Variants in PRKAG2 observed in about 807,000 individuals in gnomAD.
The protein encoded by PRKAG2 is protein kinase AMP-activated non-catalytic subunit gamma 2, also known as 5'-AMP-activated protein kinase subunit gamma-2.
Under a neutral mutation model 69.6 loss-of-function variants are expected in PRKAG2, and 26 were observed. That is an observed-to-expected ratio of 0.37 (90% confidence interval 0.27 to 0.52). The LOEUF is 0.52. Among genes scored for constraint, PRKAG2 ranks in the 20% least tolerant of loss-of-function variants. The probability of loss-of-function intolerance (pLI) is 0.90; values close to 1 mark genes in which losing one functional copy is unlikely to be tolerated. For missense variants in PRKAG2, 557 were observed against 740.0 expected (o/e 0.75, Z 2.87); for synonymous variants, 293 against 285.0 (o/e 1.03, Z -0.28).
At chr7:151,613,989 G>T (rs1454958611) in intron 5 of PRKAG2, among the ~76,000 whole-genome samples, 1 of 152,036 alleles carries the variant, frequency 6.6e-6, no homozygotes, top group Non-Finnish European at 1.5e-5. Context: ...TTTTGGTAGA[G>T]ACAGGCTTTC....
intron 14 of PRKAG2, among the ~76,000 whole-genome samples, chr7:151,563,791 A>G (rs1443597793): frequency 6.6e-6 from 1 of 152,236 alleles, no homozygotes; most frequent in Non-Finnish European, 1.5e-5. Flanking sequence ...TATGTCGTCC[A>G]CACTGTCAAA....
chr7:151,750,595 T>C (rs1210841117), intron 3 of PRKAG2, among the ~76,000 whole-genome samples: 1 of 152,032 alleles, frequency 6.6e-6, no homozygotes, highest in East Asian at 1.9e-4. Context: ...CTAAGAGCTG[T>C]GGGAAGGGGT....
intron 1 of PRKAG2, among the ~76,000 whole-genome samples, chr7:151,873,201 G>A (rs2080261185): frequency 6.6e-6 from 1 of 152,156 alleles, no homozygotes; most frequent in South Asian, 2.1e-4. Context: ...TCTTCACCTG[G>A]AAGCAGCCAT....
At chr7:151,774,293 G>A (rs1412096239) in intron 3 of PRKAG2, among the ~76,000 whole-genome samples, 1 of 152,070 alleles carries the variant, frequency 6.6e-6, no homozygotes, top group Non-Finnish European at 1.5e-5. Context: ...GAAAGGTCTG[G>A]TTCTCTTCCC....
intron 3 of PRKAG2, among the ~76,000 whole-genome samples, chr7:151,703,845 A>AAC (rs535818189): frequency 0.066 from 5,807 of 88,310 alleles, 237 homozygotes; most frequent in Non-Finnish European, 0.074. Context: ...TTTACTGGAA[A>AAC]ACACACACAC....
In PRKAG2 at chr7:151,744,415, G is replaced by C. The variant is rs191378365; in HGVS notation, c.466+36737C>G. ...CATGGTTGGTGCCTAGCCTCCACTTGTCCCCCACCCCACCACTGCAGTGGG... is the reference window on the plus strand; with the variant it reads ...CATGGTTGGTGCCTAGCCTCCACTTCTCCCCCACCCCACCACTGCAGTGGG... On this transcript the variant is annotated intron_variant, in intron 3 of 15. Coordinates refer to ENST00000287878, the MANE Select transcript of PRKAG2 (RefSeq NM_016203.4). Among the ~76,000 whole-genome samples, 219 of 152,136 alleles carry C rather than the reference G, an allele frequency of 1.4e-3. 2 individuals are homozygous for C. Among genetic ancestry groups the C allele is most frequent in the Non-Finnish European group, 7.4e-5 (5 of 68,004 alleles).
chr7:151,666,375 A>G (rs1315070498), intron 4 of PRKAG2, among the ~76,000 whole-genome samples: 1 of 152,212 alleles, frequency 6.6e-6, no homozygotes, highest in Non-Finnish European at 1.5e-5. Context: ...TCTGTAAGCC[A>G]AGGAGAGAGG....
At chr7:151,827,144 A>C (rs538442426) in intron 1 of PRKAG2, among the ~76,000 whole-genome samples, 3 of 152,314 alleles carry the variant, frequency 2.0e-5, no homozygotes, top group South Asian at 2.1e-4. Flanking sequence ...TCAAAACAAC[A>C]ACCACAAAAA....
At chr7:151,604,512 C>A (rs1225432820) in intron 5 of PRKAG2, among the ~76,000 whole-genome samples, 1 of 152,010 alleles carries the variant, frequency 6.6e-6, no homozygotes, top group Non-Finnish European at 1.5e-5. Flanking sequence ...GTGGTGCACA[C>A]CTATGGCCCC....
At chr7:151,852,166 G>A (rs2079584737) in intron 1 of PRKAG2, among the ~76,000 whole-genome samples, 1 of 152,180 alleles carries the variant, frequency 6.6e-6, no homozygotes, top group Non-Finnish European at 1.5e-5. Flanking sequence ...CCGAGGCACT[G>A]GTCGGGGGTC....
At chr7:151,867,314 C>A (rs2080104659) in intron 1 of PRKAG2, among the ~76,000 whole-genome samples, 1 of 152,222 alleles carries the variant, frequency 6.6e-6, no homozygotes, top group Non-Finnish European at 1.5e-5. Context: ...AGAATGGATT[C>A]TCTCATTGCT....
intron 1 of PRKAG2, among the ~76,000 whole-genome samples, chr7:151,853,540 C>G (rs1020874784): frequency 6.6e-6 from 1 of 152,010 alleles, no homozygotes; most frequent in African/African-American, 2.4e-5. Flanking sequence ...GGGTGGATCA[C>G]GAGGTCAGGA....
chr7:151,558,767 A>T, intron 15 of PRKAG2: 1 of 985,428 alleles, frequency 1.0e-6, no homozygotes, highest in Non-Finnish European at 1.2e-6. Flanking sequence ...TCCAGCTGGA[A>T]ATAGATTCCT....
At chr7:151,751,098 CTTTTT>C (rs11386133) in intron 3 of PRKAG2, among the ~76,000 whole-genome samples, 1 of 130,906 alleles carries the variant, frequency 7.6e-6, no homozygotes, top group Non-Finnish European at 1.6e-5. Flanking sequence ...TCAAAGATTC[CTTTTT>C]TTTTTTTTTT....
At chr7:151,612,087 T>C (rs1819009848) in intron 5 of PRKAG2, among the ~76,000 whole-genome samples, 1 of 152,136 alleles carries the variant, frequency 6.6e-6, no homozygotes, top group Non-Finnish European at 1.5e-5. Flanking sequence ...TGCTCCCTTT[T>C]GTGGGAGGAC....
chr7:151,635,898 C>T (rs1825653485), intron 4 of PRKAG2, among the ~76,000 whole-genome samples: 2 of 145,840 alleles, frequency 1.4e-5, no homozygotes, highest in East Asian at 2.0e-4. Context: ...GACGGAGTCT[C>T]GCTTTGTCCC....
At chr7:151,558,149 G>C in intron 15 of PRKAG2, 1 of 985,434 alleles carries the variant, frequency 1.0e-6, no homozygotes, top group Non-Finnish European at 1.2e-6. Context: ...GGTTCATTTG[G>C]ACAGTCTAAG....
chr7:151,845,023 C>A (rs370758447), intron 1 of PRKAG2, among the ~76,000 whole-genome samples: 2 of 150,178 alleles, frequency 1.3e-5, no homozygotes, highest in African/African-American at 2.5e-5. Context: ...CCAGGGATGG[C>A]GGCAGGCAGC....
chr7:151,841,393 A>G (rs1288856706), intron 1 of PRKAG2, among the ~76,000 whole-genome samples: 1 of 151,244 alleles, frequency 6.6e-6, no homozygotes, highest in African/African-American at 2.4e-5. Context: ...GATGGTAGTG[A>G]TAGTAGGTAG....
Sources: gnomAD v4.1 joint callset for allele counts (sites outside exome capture counted in the v4.1 genomes callset) on GRCh38, gnomAD v4.1.1 for gene constraint, MANE v1.5 for transcripts, NCBI Gene and HGNC (gene_info 2026-07-23, HGNC 2026-07-21) for gene names.